Variants in C1QBP observed in about 807,000 individuals in gnomAD.
C1QBP encodes the protein complement component 1 Q subcomponent-binding protein, mitochondrial.
In C1QBP, 24 loss-of-function variants were observed where a neutral mutation model predicts 29.4. The ratio of observed to expected loss-of-function variants is 0.82; its 90% CI spans 0.59 to 1.15. C1QBP has a LOEUF of 1.15. Among genes scored for constraint, C1QBP ranks in the 50% most tolerant of loss-of-function variants. The probability of loss-of-function intolerance (pLI) is 0.00; values close to 1 mark genes in which losing one functional copy is unlikely to be tolerated. For missense variants in C1QBP, 337 were observed against 355.8 expected (o/e 0.95, Z 0.43); for synonymous variants, 182 against 149.2 (o/e 1.22, Z -1.60).
In C1QBP at chr17:5,433,072, C is replaced by T. The variant is rs997930170; in HGVS notation, c.792G>A (p.Glu264=). 6.8e-6 allele frequency: 11 copies of T among 1,614,136 alleles called. No homozygotes were observed. Among genetic ancestry groups the T allele is most frequent in the African/African-American group, 4.0e-5 (3 of 75,024 alleles). The change falls in exon 6 of 6, where the codon GAG becomes GAA. Residue 264 remains glutamate, a synonymous_variant. Coordinates refer to ENST00000225698, the MANE Select transcript of C1QBP (RefSeq NM_001212.4). ...DELVELSTAL[E]HQEYITFLED... ...CAAGAAAAGTAATGTACTCCTGGTG[C>T]TCCAGGGCTGTGCTGAGCTCCACCA...
Position 5,437,067 on chromosome 17 carries a change from AT to A in C1QBP, c.383+1055del, listed in dbSNP as rs201639029. On this transcript the variant is annotated intron_variant, in intron 2 of 5. Transcript: ENST00000225698. ...TTATATGAAATGTCCAAAAGAGGCA[AT>A]CCCATAGAGAAAGTAGCTTAGTGAT... is the stretch of plus-strand genomic sequence containing the variant. 4.5e-3 allele frequency among the ~76,000 whole-genome samples: 438 copies of A among 98,136 alleles called. 1 individual carries two copies. The highest frequency in any genetic ancestry group is 0.021 in the African/African-American group (420 of 20,460). 64.4% of individuals were successfully genotyped at this position (98,136 alleles called of 152,430 possible).
chr17:5,434,965 T>C lies in C1QBP; in HGVS notation c.385A>G (p.Ile129Val). The change falls in exon 3 of 6, where the codon ATC (isoleucine) becomes GTC (valine). Residue 129 changes from isoleucine to valine, a missense_variant and splice_region_variant. Physicochemically the swap from Ile to Val is conservative, Grantham distance 29. Coordinates refer to ENST00000225698, the MANE Select transcript of C1QBP (RefSeq NM_001212.4). ...TTGTTAATGTTGAAAGTGACCGTGA[T>C]TCTAAAACGGCAAGGGAAAACAGAC... Reference protein sequence around the residue: ...KLVRKVAGEKITVTFNINNSI... With the variant: ...KLVRKVAGEKVTVTFNINNSI... The C allele has an allele frequency of 1.2e-6, 2 of 1,613,494 alleles. No individual in the cohort carries two copies. The highest frequency in any genetic ancestry group is 1.7e-6 in the Non-Finnish European group (2 of 1,179,454).
chr17:5,433,652 C>A lies in C1QBP; in HGVS notation c.576+17G>T, dbSNP rs1260499389. On this transcript the variant is annotated intron_variant, in intron 4 of 5. Transcript: ENST00000225698. Reference sequence around the variant, plus strand: ...TTCCCCAGGGGTGCCAAGAGGCTAGCACTCCATCCTGCATACCTCATCCTC... The same window carrying A: ...TTCCCCAGGGGTGCCAAGAGGCTAGAACTCCATCCTGCATACCTCATCCTC... The A allele has an allele frequency of 6.2e-7, 1 of 1,611,466 alleles. No homozygotes were observed. The highest frequency in any genetic ancestry group is 2.2e-5 in the East Asian group (1 of 44,872).
chr17:5,432,876 CAT>C lies in C1QBP; in HGVS notation c.*137_*138del, dbSNP rs979167339. The C allele has an allele frequency of 4.1e-5, 43 of 1,051,208 alleles. No homozygotes were observed. Among genetic ancestry groups the C allele is most frequent in the Non-Finnish European group, 5.0e-5 (38 of 753,734 alleles). The allele number at this position is 1,051,208 out of a possible 1,614,324, so 65.1% of individuals were successfully genotyped here. ...AATGATAATAAATGAGAACACAAAA[CAT>C]ATAATTTAAATTTGGTATTTTTTCC... On this transcript the variant is annotated 3_prime_UTR_variant, in exon 6 of 6. Coordinates refer to ENST00000225698, the MANE Select transcript of C1QBP (RefSeq NM_001212.4).
chr17:5,438,161 C>A lies in C1QBP; in HGVS notation c.345G>T (p.Gly115=). The A allele has an allele frequency of 6.2e-7, 1 of 1,613,058 alleles. No individual in the cohort carries two copies. The change falls in exon 2 of 6, where the codon GGG becomes GGT. Residue 115 remains glycine (G), a synonymous_variant. Transcript: ENST00000225698. ...MSGGWELELN[G]TEAKLVRKVA... ...CTTTCCGCACTAATTTCGCTTCTGT[C>A]CCATTCAGTTCCAGCTCCCAACCTC...
chr17:5,434,957 G>T lies in C1QBP; in HGVS notation c.393C>A (p.Val131=). The T allele has an allele frequency of 6.2e-7, 1 of 1,613,874 alleles. No homozygotes were observed. Among genetic ancestry groups the T allele is most frequent in the South Asian group, 1.1e-5 (1 of 91,046 alleles). ...VRKVAGEKIT[V]TFNINNSIPP... ...GGATGCTGTTGTTAATGTTGAAAGTGACCGTGATTCTAAAACGGCAAGGGA... is the reference window on the plus strand; with the variant it reads ...GGATGCTGTTGTTAATGTTGAAAGTTACCGTGATTCTAAAACGGCAAGGGA... The change falls in exon 3 of 6, where the codon GTC becomes GTA. Residue 131 remains valine, a synonymous_variant. Transcript: ENST00000225698.
chr17:5,438,110 G>A lies in C1QBP; in HGVS notation c.383+13C>T. On this transcript the variant is annotated intron_variant, in intron 2 of 5. Transcript: ENST00000225698. ...GGGAGTTGCTGCCCTGGGATCCCCA[G>A]ACCAGTACTTACTTTTCCCCGGCAA... 6.2e-7 allele frequency: 1 copy of A among 1,611,480 alleles called. No individual in the cohort carries two copies. Among genetic ancestry groups the A allele is most frequent in the Non-Finnish European group, 8.5e-7 (1 of 1,179,566 alleles).
rs200416060 is a variant in C1QBP at position 5,438,116 on chromosome 17, T to A, written c.383+7A>T. The A allele has an allele frequency of 6.2e-7, 1 of 1,611,952 alleles. No homozygotes were observed. The highest frequency in any genetic ancestry group is 1.3e-5 in the African/African-American group (1 of 74,992). ...TGCTGCCCTGGGATCCCCAGACCAGTACTTACTTTTCCCCGGCAACTTTCC... is the reference window on the plus strand; with the variant it reads ...TGCTGCCCTGGGATCCCCAGACCAGAACTTACTTTTCCCCGGCAACTTTCC... On this transcript the variant is annotated splice_region_variant and intron_variant, in intron 2 of 5. Coordinates refer to ENST00000225698, the MANE Select transcript of C1QBP (RefSeq NM_001212.4).
At position 5,433,517 on chromosome 17, in the gene C1QBP, ACCCTCTT is replaced by A; in HGVS notation, c.577-109_577-103del. ...ACAGCATGAAACTCATCAGGTTTTAACCCTCTTCCCTCACTCCCCACCTCTCTCCCCC... is the reference window on the plus strand; with the variant it reads ...ACAGCATGAAACTCATCAGGTTTTAACCCTCACTCCCCACCTCTCTCCCCC... On this transcript the variant is annotated intron_variant, in intron 4 of 5. Coordinates refer to ENST00000225698, the MANE Select transcript of C1QBP (RefSeq NM_001212.4). The A allele has an allele frequency of 1.9e-6, 3 of 1,550,690 alleles. No individual in the cohort carries two copies. In the South Asian group the frequency reaches 3.4e-5, roughly 18 times the overall value.
chr17:5,437,969 G>T (rs956261087), intron 2 of C1QBP, among the ~76,000 whole-genome samples, 154 bp downstream of exon 2: 1 of 152,166 alleles, frequency 6.6e-6, no homozygotes, highest in Non-Finnish European at 1.5e-5. Context: ...ACTGCCTGGG[G>T]CTTACGAAGT....
In C1QBP at chr17:5,433,376, T is replaced by TA. The variant is rs866635091; in HGVS notation, c.615dup (p.Ile206TyrfsTer5). 2.5e-6 allele frequency: 4 copies of TA among 1,613,964 alleles called. No individual in the cohort carries two copies. The African/African-American group carries it at 5.3e-5, about 22-fold the overall frequency. ...GTGGACTGAAAGCTAACTTCCCTGA[T>TA]AGAGAAGATGTCACTCTCAGCCTCG... On this transcript the variant is annotated frameshift_variant, in exon 5 of 6. Coordinates refer to ENST00000225698, the MANE Select transcript of C1QBP (RefSeq NM_001212.4). LOFTEE classifies it high-confidence loss of function.
intron 4 of C1QBP, 38 bp from the exon 5 acceptor site, chr17:5,433,453 C>T: frequency 6.2e-7 from 1 of 1,613,668 alleles, no homozygotes; most frequent in African/African-American, 1.3e-5. Context: ...AAGGGTTCTC[C>T]AGGACAAGCT....
chr17:5,438,803 G>A, intron 1 of C1QBP, 39 bp downstream of exon 1: 1 of 1,547,002 alleles, frequency 6.5e-7, no homozygotes, highest in Non-Finnish European at 8.7e-7. Context: ...TTTTCCCTCT[G>A]TTGAACGCAA....
chr17:5,435,635 T>C (rs1916247951), intron 2 of C1QBP, among the ~76,000 whole-genome samples: 1 of 152,082 alleles, frequency 6.6e-6, no homozygotes, highest in African/African-American at 2.4e-5. Context: ...AATCCACACC[T>C]GACAAATCAT....
chr17:5,434,707 C>G (rs142365455), intron 3 of C1QBP, 166 bp downstream of exon 3: 6,080 of 507,240 alleles, frequency 0.012, 68 homozygotes, highest in South Asian at 0.016. Context: ...ACCTCGTGAT[C>G]TGCCCGTCTC....
chr17:5,435,813 A>G (rs897255258), intron 2 of C1QBP, among the ~76,000 whole-genome samples: 1 of 148,712 alleles, frequency 6.7e-6, no homozygotes, highest in Non-Finnish European at 1.5e-5. Flanking sequence ...GCAGATCACG[A>G]GGTCAAGAGA....
At chr17:5,433,463 T>C in intron 4 of C1QBP, 48 bp from the exon 5 acceptor site, 1 of 1,612,846 alleles carries the variant, frequency 6.2e-7, no homozygotes, top group Non-Finnish European at 8.5e-7. Context: ...CAGGACAAGC[T>C]AGACTCAGGG....
intron 2 of C1QBP, 54 bp from the exon 3 acceptor site, chr17:5,435,020 C>T: frequency 6.8e-7 from 1 of 1,460,444 alleles, no homozygotes; most frequent in South Asian, 1.1e-5. Flanking sequence ...ATGGTTTTAA[C>T]CGAGCAGGTT....
chr17:5,437,043 T>A (rs1916293145), intron 2 of C1QBP, among the ~76,000 whole-genome samples: 1 of 134,634 alleles, frequency 7.4e-6, no homozygotes, highest in Non-Finnish European at 1.6e-5. Context: ...TGACTCCATT[T>A]ATATGAAATG....
Sources: gnomAD v4.1 joint callset for allele counts (sites outside exome capture counted in the v4.1 genomes callset) on GRCh38, gnomAD v4.1.1 for gene constraint, MANE v1.5 for transcripts, NCBI Gene and HGNC (gene_info 2026-07-23, HGNC 2026-07-21) for gene names.